Variants in KIAA0408 observed in about 807,000 individuals in gnomAD.
KIAA0408 encodes the protein KIAA0408.
A neutral mutation model predicts 60.9 loss-of-function variants in KIAA0408; 51 were observed. The observed-to-expected ratio is 0.84, with a 90% CI of 0.67 to 1.06. KIAA0408 has a LOEUF of 1.06. Ranked by LOEUF, KIAA0408 falls within the 50% of genes least tolerant of loss-of-function variation. The pLI, the probability that KIAA0408 is intolerant of heterozygous loss-of-function variation, is 0.00. For synonymous variants in KIAA0408, 304 were observed against 282.4 expected (o/e 1.08, Z -0.77); for missense variants, 787 against 833.9 (o/e 0.94, Z 0.69).
rs1295269301 is a variant in KIAA0408 at position 127,443,341 on chromosome 6, A to G, written c.*768T>C. 6.6e-6 allele frequency: 1 copy of G among 152,178 alleles called. No individual in the cohort carries two copies. The highest frequency in any genetic ancestry group is 1.5e-5 in the Non-Finnish European group (1 of 68,000). The allele number at this position is 152,178 out of a possible 1,614,324, so 9.4% of individuals were successfully genotyped here. ...CTCATGATACTGTCTCTGAGGATCA[A>G]ATATTCAGTTAAAGCCATACTAGAC... On this transcript the variant is annotated 3_prime_UTR_variant, in exon 6 of 6. Transcript: ENST00000483725.
intron 2 of KIAA0408, among the ~76,000 whole-genome samples, chr6:127,453,006 A>G (rs1279140315): frequency 6.6e-6 from 1 of 152,142 alleles, no homozygotes; most frequent in Non-Finnish European, 1.5e-5. Context: ...TGTTAATAAG[A>G]AACATGACTG....
chr6:127,446,073 A>G (rs1200014802), intron 5 of KIAA0408, among the ~76,000 whole-genome samples: 2 of 152,230 alleles, frequency 1.3e-5, no homozygotes, highest in Non-Finnish European at 2.9e-5. Flanking sequence ...AACCTTTAAA[A>G]TAATGAAATT....
intron 4 of KIAA0408, among the ~76,000 whole-genome samples, chr6:127,449,054 G>A (rs1583068468): frequency 1.3e-5 from 2 of 152,138 alleles, no homozygotes; most frequent in South Asian, 2.1e-4. Flanking sequence ...ACATAAACAC[G>A]AATTGAAGCA....
chr6:127,457,454 T>C (rs1773416221), intron 1 of KIAA0408, among the ~76,000 whole-genome samples: 1 of 152,212 alleles, frequency 6.6e-6, no homozygotes, highest in Admixed American at 6.5e-5. Context: ...CTACCCCATA[T>C]CTCTTTGGCT....
chr6:127,452,598 A>C (rs1245278013), intron 2 of KIAA0408, among the ~76,000 whole-genome samples: 1 of 152,162 alleles, frequency 6.6e-6, no homozygotes, highest in Non-Finnish European at 1.5e-5. Context: ...ACATGGCTTT[A>C]AAAAATTGGC....
chr6:127,441,747 T>C lies in KIAA0408; in HGVS notation c.*2362A>G, dbSNP rs1773110648. The C allele has an allele frequency of 6.6e-6, 1 of 152,210 alleles. No individual in the cohort carries two copies. The highest frequency in any genetic ancestry group is 1.5e-5 in the Non-Finnish European group (1 of 68,030). The allele number at this position is 152,210 out of a possible 1,614,324, so 9.4% of individuals were successfully genotyped here. ...TATTTCCATTTACCTAATAGGTTTT[T>C]CCATTTAAAAGTTATAAAATATTTA... On this transcript the variant is annotated 3_prime_UTR_variant, in exon 6 of 6. Transcript: ENST00000483725.
At position 127,447,201 on chromosome 6, in the gene KIAA0408, G is replaced by A; in HGVS notation, c.1118C>T (p.Pro373Leu). Reference sequence around the variant, plus strand: ...GGTTTTCTGAAACCACGAAGTAGAGGGGCTCCTTTTTGCACCTATCCCAAT... The same window carrying A: ...GGTTTTCTGAAACCACGAAGTAGAGAGGCTCCTTTTTGCACCTATCCCAAT... ...CDIGIGAKRS[P>L]STSWFQKTCS... The change falls in exon 5 of 6, where the codon CCC becomes CTC. Residue 373 changes from proline (P) to leucine (L), a missense_variant. Physicochemically the swap from Pro to Leu is moderately conservative, Grantham distance 98. Around this residue, in one of 3 missense-constraint regions of KIAA0408, gnomAD observed 640 missense variants for 681.3 expected, o/e 0.94. Coordinates refer to ENST00000483725, the MANE Select transcript of KIAA0408 (RefSeq NM_014702.5). The A allele has an allele frequency of 6.2e-7, 1 of 1,612,118 alleles. No homozygotes were observed. Among genetic ancestry groups the A allele is most frequent in the South Asian group, 1.1e-5 (1 of 90,678 alleles).
chr6:127,457,377 T>G (rs968806817), intron 1 of KIAA0408, among the ~76,000 whole-genome samples: 10 of 152,184 alleles, frequency 6.6e-5, no homozygotes, highest in Non-Finnish European at 1.3e-4. Flanking sequence ...TAGTTGTCAC[T>G]CATTTTCTCC....
intron 1 of KIAA0408, among the ~76,000 whole-genome samples, chr6:127,458,558 C>T (rs1773434372): frequency 6.6e-6 from 1 of 152,150 alleles, no homozygotes; most frequent in Non-Finnish European, 1.5e-5. Context: ...ACTTTAAAAG[C>T]AAACATTTGG....
Position 127,441,278 on chromosome 6 carries a change from T to A in KIAA0408, c.*2831A>T, listed in dbSNP as rs1297636376. 1.3e-5 allele frequency: 2 copies of A among 152,640 alleles called. No individual in the cohort carries two copies. The highest frequency in any genetic ancestry group is 2.9e-5 in the Non-Finnish European group (2 of 68,028). 9.5% of individuals were successfully genotyped at this position (152,640 alleles called of 1,614,324 possible). A position where few individuals can be genotyped will look rare whatever the true frequency, so the allele number is the denominator to read the frequency against. On this transcript the variant is annotated 3_prime_UTR_variant, in exon 6 of 6. Transcript: ENST00000483725. ...GCAAAATGAAATATGATCATCTTCA[T>A]TGTCGATATAAAAACAAATGAAAGT...
rs1773131734 is a variant in KIAA0408 at position 127,443,087 on chromosome 6, T to C, written c.*1022A>G. ...AGTAAAAAAGTAACTTAGTTTGTTATCTATTAATTTTAAGGAAAAGATTAG... is the reference window on the plus strand; with the variant it reads ...AGTAAAAAAGTAACTTAGTTTGTTACCTATTAATTTTAAGGAAAAGATTAG... On this transcript the variant is annotated 3_prime_UTR_variant, in exon 6 of 6. Coordinates refer to ENST00000483725, the MANE Select transcript of KIAA0408 (RefSeq NM_014702.5). 6.6e-6 allele frequency: 1 copy of C among 152,144 alleles called. No individual in the cohort carries two copies. Among genetic ancestry groups the C allele is most frequent in the Admixed American group, 6.5e-5 (1 of 15,268 alleles). 9.4% of individuals were successfully genotyped at this position (152,144 alleles called of 1,614,324 possible). A position where few individuals can be genotyped will look rare whatever the true frequency, so the allele number is the denominator to read the frequency against.
rs569256334 is a variant in KIAA0408 at position 127,458,867 on chromosome 6, G to T, written c.-121+308C>A. 4.0e-4 allele frequency among the ~76,000 whole-genome samples: 61 copies of T among 152,282 alleles called. 1 individual carries two copies. The highest frequency in any genetic ancestry group is 1.0e-3 in the South Asian group (5 of 4,824). Reference sequence around the variant, plus strand: ...TATACTTAGTGAAAATCAATGATGGGCAAAGTGCTTTTCAAACAACTGAGA... The same window carrying T: ...TATACTTAGTGAAAATCAATGATGGTCAAAGTGCTTTTCAAACAACTGAGA... On this transcript the variant is annotated intron_variant, in intron 1 of 5. Coordinates refer to ENST00000483725, the MANE Select transcript of KIAA0408 (RefSeq NM_014702.5).
rs774796351 is a variant in KIAA0408 at position 127,447,668 on chromosome 6, G to A, written c.651C>T (p.Asn217=). 1 of 1,599,914 alleles carries A rather than the reference G, an allele frequency of 6.3e-7. No homozygotes were observed. Among genetic ancestry groups the A allele is most frequent in the Admixed American group, 1.8e-5 (1 of 56,678 alleles). The change falls in exon 5 of 6, where the codon AAC becomes AAT. Residue 217 remains asparagine, a synonymous_variant. Coordinates refer to ENST00000483725, the MANE Select transcript of KIAA0408 (RefSeq NM_014702.5). The part of the protein sequence containing the change: ...TNIPHGDPMI[N]NDQCILPISL... ...TGATTGGAAGAATGCACTGGTCATT[G>A]TTGATCATGGGGTCCCCATGAGGTA...
Position 127,443,909 on chromosome 6 carries a change from A to C in KIAA0408, c.*200T>G, listed in dbSNP as rs572694699. On this transcript the variant is annotated 3_prime_UTR_variant, in exon 6 of 6. Transcript: ENST00000483725. Reference sequence around the variant, plus strand: ...ATATTGTATTGGAAAACTAATGAGGATGGCATTAAAAAATTCTGATCTAAG... The same window carrying C: ...ATATTGTATTGGAAAACTAATGAGGCTGGCATTAAAAAATTCTGATCTAAG... 14 of 556,750 alleles carry C rather than the reference A, an allele frequency of 2.5e-5. No homozygotes were observed. In the South Asian group the frequency reaches 3.0e-4, roughly 12 times the overall value. The allele number at this position is 556,750 out of a possible 1,614,324, so 34.5% of individuals were successfully genotyped here. A position where few individuals can be genotyped will look rare whatever the true frequency, so the allele number is the denominator to read the frequency against.
In KIAA0408 at chr6:127,453,887, C is replaced by T; in HGVS notation, c.95G>A (p.Trp32Ter). The T allele has an allele frequency of 6.2e-7, 1 of 1,612,784 alleles. No homozygotes were observed. Among genetic ancestry groups the T allele is most frequent in the Non-Finnish European group, 8.5e-7 (1 of 1,179,166 alleles). The change falls in exon 2 of 6, where the codon TGG becomes TAG. Residue 32 changes from tryptophan (W) to a stop codon, truncating the protein, a stop_gained. Transcript: ENST00000483725. LOFTEE classifies it high-confidence loss of function. The stretch of plus-strand genomic sequence containing the variant: ...CTGCATAATCTTCCATTGACTTTCC[C>T]ATTCCTTTCTTTCATTGTCAAACTG... ...LDQFDNERKEWESQWKIMQKK... is the reference protein window; with the variant it reads ...LDQFDNERKE
chr6:127,455,074 A>G (rs990213510), intron 1 of KIAA0408, among the ~76,000 whole-genome samples: 1 of 152,164 alleles, frequency 6.6e-6, no homozygotes, highest in East Asian at 1.9e-4. Flanking sequence ...GAAATTTAAG[A>G]AAGTTTTCTA....
intron 1 of KIAA0408, among the ~76,000 whole-genome samples, chr6:127,454,776 G>T (rs1773362719): frequency 6.6e-6 from 1 of 152,086 alleles, no homozygotes; most frequent in South Asian, 2.1e-4. Context: ...CTTTTCCTTT[G>T]AATAGGCTAT....
chr6:127,447,821 G>T, intron 4 of KIAA0408, 81 bp from the exon 5 acceptor site: 1 of 1,438,776 alleles, frequency 7.0e-7, no homozygotes, highest in South Asian at 1.6e-5. Flanking sequence ...CTAAAGCAAT[G>T]AGTTTCTGCT....
intron 2 of KIAA0408, 64 bp from the exon 3 acceptor site, chr6:127,450,416 G>C: frequency 1.3e-6 from 2 of 1,494,042 alleles, no homozygotes; most frequent in Non-Finnish European, 1.8e-6. Context: ...TAATATTCTT[G>C]ATACTAAGCA....
Sources: gnomAD v4.1 joint callset for allele counts (sites outside exome capture counted in the v4.1 genomes callset) on GRCh38, gnomAD v4.1.1 for gene constraint, gnomAD v4.1.1 regional missense constraint, MANE v1.5 for transcripts, NCBI Gene and HGNC (gene_info 2026-07-23, HGNC 2026-07-21) for gene names.